Variants in CFAP61 observed in about 807,000 individuals in gnomAD.
CFAP61 encodes cilia- and flagella-associated protein 61.
In CFAP61, 107 loss-of-function variants were observed where a neutral mutation model predicts 135.6. That is an observed-to-expected ratio of 0.79 (90% CI 0.67 to 0.93). CFAP61 has a LOEUF of 0.93. Among genes scored for constraint, CFAP61 ranks in the 40% least tolerant of loss-of-function variants. The pLI is 0.00. For synonymous variants in CFAP61, 575 were observed against 578.5 expected, an observed-to-expected ratio of 0.99 and a Z score of 0.09; for missense variants, 1,507 against 1,556.2, an observed-to-expected ratio of 0.97 and a Z score of 0.53.
intron 13 of CFAP61, among the ~76,000 whole-genome samples, chr20:20,178,343 GA>G (rs1344053279): frequency 2.0e-5 from 3 of 152,120 alleles, no homozygotes; most frequent in Admixed American, 1.3e-4. Flanking sequence ...CTTAATATGG[GA>G]TGAGTGTGTG....
At chr20:20,214,851 G>A (rs976267489) in intron 17 of CFAP61, among the ~76,000 whole-genome samples, 13 of 152,202 alleles carry the variant, frequency 8.5e-5, no homozygotes, top group African/African-American at 2.9e-4. Flanking sequence ...CCTGCAGAGC[G>A]CTGCACCTGC....
At chr20:20,266,062 A>T (rs1411181932) in intron 21 of CFAP61, among the ~76,000 whole-genome samples, 1 of 152,234 alleles carries the variant, frequency 6.6e-6, no homozygotes, top group Non-Finnish European at 1.5e-5. Context: ...TGCAGCAAAG[A>T]GTAGGATCCA....
intron 22 of CFAP61, among the ~76,000 whole-genome samples, chr20:20,278,224 A>C (rs1292932753): frequency 6.6e-6 from 1 of 152,212 alleles, no homozygotes; most frequent in Non-Finnish European, 1.5e-5. Context: ...AGTCAGTGGC[A>C]CTGCTGGTTC....
At chr20:20,179,500 T>C (rs1237337415) in intron 13 of CFAP61, among the ~76,000 whole-genome samples, 1 of 152,170 alleles carries the variant, frequency 6.6e-6, no homozygotes, top group Non-Finnish European at 1.5e-5. Context: ...TAAACTACTA[T>C]TGACATTCTT....
chr20:20,208,570 C>G (rs2056962417), intron 17 of CFAP61, among the ~76,000 whole-genome samples: 1 of 152,150 alleles, frequency 6.6e-6, no homozygotes, highest in Non-Finnish European at 1.5e-5. Context: ...TTAGTGTTTT[C>G]TCTTTCTTTA....
chr20:20,358,919 G>C (rs1443933115), intron 26 of CFAP61, among the ~76,000 whole-genome samples: 1 of 152,196 alleles, frequency 6.6e-6, no homozygotes, highest in African/African-American at 2.4e-5. Context: ...ACAGACTCTT[G>C]ATCTAGGGTG....
intron 25 of CFAP61, among the ~76,000 whole-genome samples, chr20:20,335,171 A>G (rs915903472): frequency 6.6e-6 from 1 of 152,160 alleles, no homozygotes; most frequent in South Asian, 2.1e-4. Context: ...ACACATGGAA[A>G]ATATTCTGTG....
chr20:20,057,804 G>A (rs944077784), intron 2 of CFAP61, among the ~76,000 whole-genome samples: 10 of 152,042 alleles, frequency 6.6e-5, no homozygotes, highest in African/African-American at 2.4e-4. Context: ...TGCAATCTCC[G>A]CCTCCTGGGT....
intron 21 of CFAP61, among the ~76,000 whole-genome samples, chr20:20,267,020 G>A (rs2052804564): frequency 1.3e-5 from 2 of 152,134 alleles, no homozygotes; most frequent in Admixed American, 6.5e-5. Flanking sequence ...TGCCACCAGG[G>A]CCCTGATGAA....
At chr20:20,290,840 G>A (rs1334517557) in intron 24 of CFAP61, among the ~76,000 whole-genome samples, 2 of 152,196 alleles carry the variant, frequency 1.3e-5, no homozygotes, top group African/African-American at 2.4e-5. Flanking sequence ...CCTCCTTCAT[G>A]CCTTCAGGTG....
chr20:20,298,296 C>T lies in CFAP61; in HGVS notation c.3332C>T (p.Ser1111Phe). Residue 1111 changes from serine (S) to phenylalanine (F), a missense_variant, in exon 25 of 27, where the codon TCC (serine) becomes TTC (phenylalanine). Ser to Phe is a radical substitution (Grantham distance 155). Coordinates refer to ENST00000245957, the MANE Select transcript of CFAP61 (RefSeq NM_015585.4). ...CTTTCTAGGGAGCCCTTCCCCGCCT[C>T]CAACTACATCCGCTTGTTTGGCCAG... is the stretch of plus-strand genomic sequence containing the variant. ...TCLSREPFPASNYIRLFGQHE... is the reference protein window; with the variant it reads ...TCLSREPFPAFNYIRLFGQHE... 6.2e-7 allele frequency: 1 copy of T among 1,614,188 alleles called. No individual in the cohort carries two copies. Among genetic ancestry groups the T allele is most frequent in the Non-Finnish European group, 8.5e-7 (1 of 1,180,028 alleles).
chr20:20,193,224 A>C (rs975098742), intron 15 of CFAP61, among the ~76,000 whole-genome samples: 5 of 152,082 alleles, frequency 3.3e-5, no homozygotes, highest in African/African-American at 9.7e-5. Flanking sequence ...GGTGTTCCTG[A>C]TTTTAATGGA....
At chr20:20,281,736 C>CT (rs2054208799) in intron 22 of CFAP61, among the ~76,000 whole-genome samples, 1 of 151,996 alleles carries the variant, frequency 6.6e-6, no homozygotes, top group Admixed American at 6.6e-5. Flanking sequence ...CAGTAATGTC[C>CT]TTGTAAGGTT....
chr20:20,091,439 T>C (rs977122941), intron 7 of CFAP61, among the ~76,000 whole-genome samples: 2 of 152,158 alleles, frequency 1.3e-5, no homozygotes, highest in Non-Finnish European at 1.5e-5. Context: ...TCCAACCCCA[T>C]TTGTTTTATC....
chr20:20,256,666 G>A (rs781079914), intron 20 of CFAP61, among the ~76,000 whole-genome samples: 18 of 152,228 alleles, frequency 1.2e-4, no homozygotes, highest in Non-Finnish European at 2.4e-4. Flanking sequence ...AGGACAAAGG[G>A]ATATGCTTGG....
At chr20:20,091,866 C>T (rs1445386497) in intron 7 of CFAP61, among the ~76,000 whole-genome samples, 3 of 152,086 alleles carry the variant, frequency 2.0e-5, no homozygotes, top group Admixed American at 6.5e-5. Flanking sequence ...TTAGTAGAGA[C>T]GGGGTTTCAC....
chr20:20,221,326 T>A (rs560463976), intron 17 of CFAP61: 9 of 152,216 alleles, frequency 5.9e-5, no homozygotes, highest in Non-Finnish European at 1.0e-4. Context: ...CCCTTGCCGA[T>A]GTTTGTGTAT....
chr20:20,154,739 G>A (rs950839645), intron 9 of CFAP61, among the ~76,000 whole-genome samples: 3 of 151,928 alleles, frequency 2.0e-5, no homozygotes, highest in African/African-American at 7.2e-5. Flanking sequence ...ACCTCTACAA[G>A]GAAAACTACA....
chr20:20,275,979 A>G (rs538196662), intron 21 of CFAP61, among the ~76,000 whole-genome samples: 1 of 152,362 alleles, frequency 6.6e-6, no homozygotes, highest in East Asian at 1.9e-4. Flanking sequence ...TAGCGAGGGC[A>G]GGAATGGAGA....
Sources: gnomAD v4.1 joint callset for allele counts (sites outside exome capture counted in the v4.1 genomes callset) on GRCh38, gnomAD v4.1.1 for gene constraint, MANE v1.5 for transcripts, NCBI Gene and HGNC (gene_info 2026-07-23, HGNC 2026-07-21) for gene names.